Variants in NUP210L observed in about 807,000 individuals in gnomAD.
The protein encoded by NUP210L is nuclear pore membrane glycoprotein 210-like.
NUP210L carries 74 observed loss-of-function variants against 208.5 expected under a neutral mutation model. The observed-to-expected ratio is 0.35, with a 90% confidence interval of 0.29 to 0.43. The LOEUF (loss-of-function observed/expected upper bound fraction) is 0.43. Ranked by LOEUF, NUP210L falls within the 20% of genes least tolerant of loss-of-function variation. The pLI is 1.00. For synonymous variants in NUP210L, 780 were observed against 816.9 expected (o/e 0.95, Z 0.77); for missense variants, 1,843 against 2,289.4 (o/e 0.81, Z 3.98).
intron 15 of NUP210L, among the ~76,000 whole-genome samples, chr1:154,090,586 A>G (rs1655852630): frequency 6.6e-6 from 1 of 152,150 alleles, no homozygotes. Flanking sequence ...TGAGGTGGGC[A>G]GATCACCTGA....
At chr1:154,036,001 G>A (rs1652520289) in intron 27 of NUP210L, among the ~76,000 whole-genome samples, 1 of 152,044 alleles carries the variant, frequency 6.6e-6, no homozygotes, top group South Asian at 2.1e-4. Context: ...CCAAAGTGCT[G>A]GGATTACAGG....
intron 16 of NUP210L, among the ~76,000 whole-genome samples, chr1:154,074,467 G>A (rs921693874): frequency 6.8e-6 from 1 of 147,800 alleles, no homozygotes; most frequent in African/African-American, 2.5e-5. Context: ...TTGTAACCTT[G>A]AGCATCACTA....
At chr1:154,076,112 T>C in intron 16 of NUP210L, among the ~76,000 whole-genome samples, 1 of 149,802 alleles carries the variant, frequency 6.7e-6, no homozygotes, top group Non-Finnish European at 1.5e-5. Context: ...CTTTTTTTTT[T>C]TTTTTTTTTT....
At chr1:154,084,037 T>C (rs1655497944) in intron 16 of NUP210L, among the ~76,000 whole-genome samples, 2 of 125,308 alleles carry the variant, frequency 1.6e-5, no homozygotes, top group South Asian at 5.6e-4. Flanking sequence ...CCTTTTCCTT[T>C]CTTTTTTTTT....
At chr1:154,026,039 A>G (rs183830333) in intron 29 of NUP210L, among the ~76,000 whole-genome samples, 125 of 151,784 alleles carry the variant, frequency 8.2e-4, no homozygotes, top group African/African-American at 2.7e-3. Flanking sequence ...CTTGGCCAAC[A>G]TGGTGAAACC....
chr1:153,995,044 A>G, intron 38 of NUP210L, 32 bp downstream of exon 38: 1 of 1,373,402 alleles, frequency 7.3e-7, no homozygotes, highest in Non-Finnish European at 1.0e-6. Context: ...TTTTCATGTC[A>G]AAGTCTATGT....
intron 38 of NUP210L, among the ~76,000 whole-genome samples, chr1:153,993,518 A>C (rs906396231): frequency 6.6e-6 from 1 of 151,362 alleles, no homozygotes; most frequent in Non-Finnish European, 1.5e-5. Flanking sequence ...GTGAGCTGAG[A>C]TCGTGCCACT....
intron 7 of NUP210L, among the ~76,000 whole-genome samples, chr1:154,134,709 C>G: frequency 9.0e-6 from 1 of 110,656 alleles, no homozygotes; most frequent in Admixed American, 1.4e-4. Context: ...TGCACTCCGG[C>G]CTGGGCGACA....
chr1:154,146,734 T>C (rs1659135326), intron 2 of NUP210L, among the ~76,000 whole-genome samples: 1 of 151,574 alleles, frequency 6.6e-6, no homozygotes, highest in Non-Finnish European at 1.5e-5. Flanking sequence ...CCCTCAAATA[T>C]TTATTAGTTA....
exon 40 of NUP210L, chr1:153,992,834 G>T (rs773570841): frequency 2.5e-6 from 4 of 1,598,680 alleles, no homozygotes; most frequent in Non-Finnish European, 3.4e-6. Flanking sequence ...CCAAGCAGAG[G>T]TTAGTGCCTT....
intron 27 of NUP210L, among the ~76,000 whole-genome samples, chr1:154,041,496 A>G (rs1043725900): frequency 4.6e-5 from 7 of 152,002 alleles, no homozygotes; most frequent in African/African-American, 1.7e-4. Context: ...GCACCTGGTT[A>G]ATTTTTTTAT....
At chr1:154,085,172 C>G (rs894110054) in intron 16 of NUP210L, among the ~76,000 whole-genome samples, 16 of 143,490 alleles carry the variant, frequency 1.1e-4, no homozygotes, top group African/African-American at 4.0e-4. Flanking sequence ...AAGGTGAAAC[C>G]CTGTCTCTAC....
chr1:154,125,656 A>G (rs1657872074), intron 10 of NUP210L, among the ~76,000 whole-genome samples: 1 of 1,586 alleles, frequency 6.3e-4, no homozygotes, highest in East Asian at 0.014. Context: ...GAAGGAAGGA[A>G]GGAAGGAAGG....
rs779147811 is a variant in NUP210L, at chr1:154,010,173, A to G, written c.4781-52T>C. The G allele has an allele frequency of 4.3e-5, 68 of 1,566,186 alleles. No individual in the cohort carries two copies. In the South Asian group the frequency reaches 6.4e-4, roughly 15 times the overall value. ...CTTTGTCACTAACAAGAATTTGTAA[A>G]AAGAGAGACCATTATATGGAGGCAA... On this transcript the variant is annotated intron_variant, in intron 34 of 39. Coordinates refer to ENST00000368559, the Ensembl canonical transcript of NUP210L.
chr1:154,070,583 T>C, intron 16 of NUP210L, 118 bp from the exon 17 acceptor site: 1 of 650,868 alleles, frequency 1.5e-6, no homozygotes, highest in Non-Finnish European at 2.4e-6. Flanking sequence ...CTTAAAAATT[T>C]GCAAACTTAT....
At chr1:154,051,159 A>G (rs1363565621) in intron 25 of NUP210L, among the ~76,000 whole-genome samples, 1 of 152,154 alleles carries the variant, frequency 6.6e-6, no homozygotes, top group East Asian at 1.9e-4. Context: ...AACTGAAGGG[A>G]ATCAAATGGC....
intron 9 of NUP210L, 78 bp from the exon 10 acceptor site, chr1:154,126,541 TAA>T: frequency 7.8e-7 from 1 of 1,274,548 alleles, no homozygotes; most frequent in Non-Finnish European, 1.1e-6. Flanking sequence ...AAAGCATCTA[TAA>T]AACTGTAGCT....
chr1:154,051,596 T>C (rs944172243), intron 25 of NUP210L, among the ~76,000 whole-genome samples: 7 of 152,216 alleles, frequency 4.6e-5, no homozygotes, highest in Admixed American at 3.3e-4. Flanking sequence ...GCTAAAACTA[T>C]TATCCAGCGA....
intron 10 of NUP210L, among the ~76,000 whole-genome samples, chr1:154,120,111 T>C (rs1465700255): frequency 2.0e-5 from 3 of 152,342 alleles, no homozygotes; most frequent in Non-Finnish European, 2.9e-5. Context: ...TGATATCTCA[T>C]TGTGGTTTTG....
Sources: allele counts gnomAD v4.1 joint callset (sites outside exome capture counted in the v4.1 genomes callset), GRCh38; gene constraint gnomAD v4.1.1; transcripts MANE v1.5; gene names NCBI Gene and HGNC (gene_info 2026-07-23, HGNC 2026-07-21).